Variants in SDK1 observed in about 807,000 individuals in gnomAD.
SDK1 encodes protein sidekick-1.
A neutral mutation model predicts 245.5 loss-of-function variants in SDK1; 157 were observed. The ratio of observed to expected loss-of-function variants is 0.64; its 90% CI spans 0.56 to 0.73. The LOEUF is 0.73. Among genes scored for constraint, SDK1 ranks in the 30% least tolerant of loss-of-function variants. The pLI is 0.00. For synonymous variants in SDK1, 1,647 were observed against 1,278.5 expected (o/e 1.29, Z -6.15); for missense variants, 3,583 against 3,002.3 (o/e 1.19, Z -4.52).
chr7:3,531,331 T>C (rs951890198), intron 1 of SDK1, among the ~76,000 whole-genome samples: 1 of 152,242 alleles, frequency 6.6e-6, no homozygotes, highest in Non-Finnish European at 1.5e-5. Context: ...ATGTTCACGC[T>C]TATTTCGACT....
At chr7:4,085,896 T>G (rs1345886216) in intron 22 of SDK1, among the ~76,000 whole-genome samples, 1 of 152,202 alleles carries the variant, frequency 6.6e-6, no homozygotes, top group Non-Finnish European at 1.5e-5. Context: ...TTTAAACTAA[T>G]TCTTGAGGAT....
At chr7:3,633,519 G>T (rs1289700674) in intron 2 of SDK1, among the ~76,000 whole-genome samples, 1 of 151,998 alleles carries the variant, frequency 6.6e-6, no homozygotes, top group East Asian at 1.9e-4. Context: ...CTTATAACAG[G>T]TAAATGTGTC....
intron 4 of SDK1, among the ~76,000 whole-genome samples, chr7:3,644,793 C>CAACAAA (rs1782773379): frequency 2.8e-5 from 3 of 108,864 alleles, no homozygotes; most frequent in African/African-American, 3.6e-5. Context: ...AAAAAAAAAA[C>CAACAAA]AAAAAACAAC....
chr7:4,227,161 C>G (rs1785493979), intron 40 of SDK1: 4 of 300,098 alleles, frequency 1.3e-5, no homozygotes, highest in African/African-American at 8.9e-5. Flanking sequence ...CAGTATTTCT[C>G]TGAAGGTTTG....
chr7:3,617,448 C>T (rs1583232114), intron 1 of SDK1, among the ~76,000 whole-genome samples: 1 of 152,170 alleles, frequency 6.6e-6, no homozygotes, highest in African/African-American at 2.4e-5. Flanking sequence ...CAAAGATGAG[C>T]ATGCACAGAG....
chr7:3,376,638 T>C (rs1308354777), intron 1 of SDK1, among the ~76,000 whole-genome samples: 3 of 152,178 alleles, frequency 2.0e-5, no homozygotes, highest in Non-Finnish European at 4.4e-5. Flanking sequence ...GCAGGAAGAT[T>C]ATACGGTGTG....
At chr7:3,497,095 A>G (rs1321210014) in intron 1 of SDK1, among the ~76,000 whole-genome samples, 1 of 152,222 alleles carries the variant, frequency 6.6e-6, no homozygotes, top group African/African-American at 2.4e-5. Flanking sequence ...AATGTTTATT[A>G]ACAGACAAGA....
At chr7:4,253,883 C>T (rs938448052) in intron 44 of SDK1, among the ~76,000 whole-genome samples, 8 of 152,204 alleles carry the variant, frequency 5.3e-5, no homozygotes, top group African/African-American at 9.6e-5. Flanking sequence ...AGATATGTCT[C>T]GTATCTTTAT....
chr7:3,712,339 T>C (rs1785073219), intron 4 of SDK1, among the ~76,000 whole-genome samples: 1 of 152,204 alleles, frequency 6.6e-6, no homozygotes, highest in African/African-American at 2.4e-5. Context: ...TGCCTGATGA[T>C]CTGTCACTGT....
At chr7:3,923,441 G>T (rs548099522) in intron 5 of SDK1, among the ~76,000 whole-genome samples, 1 of 152,124 alleles carries the variant, frequency 6.6e-6, no homozygotes, top group Non-Finnish European at 1.5e-5. Context: ...TTTAATAATC[G>T]AGAAGTTGCC....
At chr7:3,622,143 G>T (rs1486059380) in intron 2 of SDK1, among the ~76,000 whole-genome samples, 2 of 151,996 alleles carry the variant, frequency 1.3e-5, no homozygotes, top group African/African-American at 4.8e-5. Flanking sequence ...AAGTTTATTG[G>T]GACATAACAC....
At chr7:3,877,439 C>A (rs959603658) in intron 5 of SDK1, among the ~76,000 whole-genome samples, 1 of 152,156 alleles carries the variant, frequency 6.6e-6, no homozygotes, top group Non-Finnish European at 1.5e-5. Context: ...TGTTCCCTCT[C>A]CACCCCACAG....
chr7:3,664,842 C>G (rs1783478905), intron 4 of SDK1, among the ~76,000 whole-genome samples: 1 of 152,050 alleles, frequency 6.6e-6, no homozygotes, highest in African/African-American at 2.4e-5. Context: ...TTTCTTACGG[C>G]TCTGAGATGA....
intron 1 of SDK1, among the ~76,000 whole-genome samples, chr7:3,599,843 C>G (rs560460968): frequency 6.6e-6 from 1 of 152,296 alleles, no homozygotes; most frequent in South Asian, 2.1e-4. Context: ...ATTACTGTAG[C>G]TAGATAGTAA....
intron 5 of SDK1, among the ~76,000 whole-genome samples, chr7:3,878,807 C>T (rs535767628): frequency 6.6e-6 from 1 of 152,072 alleles, no homozygotes; most frequent in Non-Finnish European, 1.5e-5. Flanking sequence ...TATTTTTCTC[C>T]TAATATCAGG....
chr7:3,351,712 G>A (rs551711448), intron 1 of SDK1, among the ~76,000 whole-genome samples: 1 of 152,230 alleles, frequency 6.6e-6, no homozygotes, highest in South Asian at 2.1e-4. Flanking sequence ...GTGGTAAAAG[G>A]TTCAGTTCAG....
chr7:3,376,600 C>G (rs371643834), intron 1 of SDK1, among the ~76,000 whole-genome samples: 1 of 152,080 alleles, frequency 6.6e-6, no homozygotes, highest in African/African-American at 2.4e-5. Flanking sequence ...TGAAAAAGAC[C>G]GACAAGGTTA....
At chr7:3,642,580 A>G (rs1782686434) in intron 4 of SDK1, among the ~76,000 whole-genome samples, 1 of 152,134 alleles carries the variant, frequency 6.6e-6, no homozygotes, top group African/African-American at 2.4e-5. Flanking sequence ...CTTTTATCCT[A>G]CCATGACAGT....
At chr7:3,429,481 T>A (rs557923200) in intron 1 of SDK1, among the ~76,000 whole-genome samples, 10 of 152,142 alleles carry the variant, frequency 6.6e-5, no homozygotes, top group African/African-American at 9.7e-5. Flanking sequence ...AGAAGGATAT[T>A]TGGGGAGTGC....
Sources: gnomAD v4.1 joint callset for allele counts (sites outside exome capture counted in the v4.1 genomes callset) on GRCh38, gnomAD v4.1.1 for gene constraint, MANE v1.5 for transcripts, NCBI Gene and HGNC (gene_info 2026-07-23, HGNC 2026-07-21) for gene names.